Variants in PIK3CD observed in about 807,000 individuals in gnomAD.
The protein encoded by PIK3CD is phosphatidylinositol-4,5-bisphosphate 3-kinase catalytic subunit delta.
In PIK3CD, 20 loss-of-function variants were observed where a neutral mutation model predicts 122.9. That is an observed-to-expected ratio of 0.16 (90% CI 0.11 to 0.24). PIK3CD has a LOEUF of 0.24. Ranked by LOEUF, PIK3CD falls within the 10% of genes least tolerant of loss-of-function variation. The probability of loss-of-function intolerance (pLI) is 1.00; values close to 1 mark genes in which losing one functional copy is unlikely to be tolerated. For missense variants in PIK3CD, 787 were observed against 1,406.3 expected (o/e 0.56, Z 7.04); for synonymous variants, 596 against 593.4 (o/e 1.00, Z -0.06).
chr1:9,716,376 G>T (rs1286347530), intron 5 of PIK3CD, 64 bp from the exon 6 acceptor site: 3 of 1,523,188 alleles, frequency 2.0e-6, no homozygotes, highest in African/African-American at 2.7e-5. Context: ...AGGCAACCCT[G>T]CCCTGTGCCC....
rs115488358 is a variant in PIK3CD at position 9,708,131 on chromosome 1, C to G, written c.-32-2293C>G. Among the ~76,000 whole-genome samples, 929 of 151,996 alleles carry G rather than the reference C, an allele frequency of 6.1e-3. 13 individuals carry two copies. The highest frequency in any genetic ancestry group is 0.021 in the African/African-American group (881 of 41,458). On this transcript the variant is annotated intron_variant, in intron 2 of 23. Coordinates refer to ENST00000377346, the MANE Select transcript of PIK3CD (RefSeq NM_005026.5). Reference sequence around the variant, plus strand: ...ATCTAAAGAACAGCACAATGAGTGACCAAAGCAGGTCGCAGAAGACTCCGT... The same window carrying G: ...ATCTAAAGAACAGCACAATGAGTGAGCAAAGCAGGTCGCAGAAGACTCCGT...
At position 9,720,318 on chromosome 1, in the gene PIK3CD, G is replaced by C; in HGVS notation, c.1470+76G>C. ...CTGGCCCTGCTCCTGGAGCTCTTCA[G>C]AGGGTGCTCCCTGGCCACGTCGGGG... On this transcript the variant is annotated intron_variant, in intron 11 of 23. Transcript: ENST00000377346. The surrounding 1 kb of genome is among the most constrained non-coding windows in gnomAD (Gnocchi z 9.0). 6.5e-7 allele frequency: 1 copy of C among 1,531,528 alleles called. No individual in the cohort carries two copies. The highest frequency in any genetic ancestry group is 8.8e-7 in the Non-Finnish European group (1 of 1,132,898). 94.9% of individuals were successfully genotyped at this position (1,531,528 alleles called of 1,614,324 possible).
At position 9,727,779 on chromosome 1, in the gene PIK3CD, A is replaced by G. The variant is rs1222382411; in HGVS notation, c.*733A>G. ...CGCATGAAGGCAAAAGCAGGTCAGA[A>G]GCGAATACTCTGCCATTATCTCAAA... On this transcript the variant is annotated 3_prime_UTR_variant, in exon 24 of 24. Coordinates refer to ENST00000377346, the MANE Select transcript of PIK3CD (RefSeq NM_005026.5). The G allele has an allele frequency of 2.0e-5, 4 of 204,704 alleles. No individual in the cohort carries two copies. Among genetic ancestry groups the G allele is most frequent in the African/African-American group, 9.2e-5 (4 of 43,528 alleles). The allele number at this position is 204,704 out of a possible 1,614,324, so 12.7% of individuals were successfully genotyped here.
the PIK3CD span, among the ~76,000 whole-genome samples, chr1:9,637,890 G>A: frequency 1.3e-5 from 2 of 152,030 alleles, no homozygotes; most frequent in African/African-American, 4.8e-5. Flanking sequence ...GATCACTTGA[G>A]GTCAGGACTT....
Position 9,720,403 on chromosome 1 carries a change from C to A in PIK3CD, c.1470+161C>A. 1 of 1,365,802 alleles carries A rather than the reference C, an allele frequency of 7.3e-7. No individual in the cohort carries two copies. The highest frequency in any genetic ancestry group is 9.9e-7 in the Non-Finnish European group (1 of 1,010,884). 84.6% of individuals were successfully genotyped at this position (1,365,802 alleles called of 1,614,324 possible). A position where few individuals can be genotyped will look rare whatever the true frequency, so the allele number is the denominator to read the frequency against. ...GGCCATTTTGCCTGCAGGGATGCTG[C>A]GCAGTCTGATGACATTTTCGGTTGT... On this transcript the variant is annotated intron_variant, in intron 11 of 23. Transcript: ENST00000377346. The surrounding 1 kb of genome is among the most constrained non-coding windows in gnomAD (Gnocchi z 9.0).
In PIK3CD at chr1:9,719,292, C is replaced by T. The variant is rs1345033888; in HGVS notation, c.1242+377C>T. Among the ~76,000 whole-genome samples the T allele has an allele frequency of 6.6e-6, 1 of 152,168 alleles. No individual in the cohort carries two copies. The highest frequency in any genetic ancestry group is 1.9e-4 in the East Asian group (1 of 5,180). On this transcript the variant is annotated intron_variant, in intron 9 of 23. Coordinates refer to ENST00000377346, the MANE Select transcript of PIK3CD (RefSeq NM_005026.5). The surrounding 1 kb of genome is among the most constrained non-coding windows in gnomAD (Gnocchi z 5.5). ...TGAGTCACGGTCCCAGGATATGGCT[C>T]CCCTCGGAGCTGACTCACTCCGAGC...
the PIK3CD span, among the ~76,000 whole-genome samples, chr1:9,638,460 C>A: frequency 5.3e-5 from 8 of 152,130 alleles, no homozygotes; most frequent in East Asian, 1.6e-3. Flanking sequence ...AGGCCGGGAG[C>A]GGTGGCTCAC....
rs369520251 is a variant in PIK3CD at position 9,713,332 on chromosome 1, C to T, written c.142-2209C>T. ...CTCCAGCCTGGGTGACAGAGTGAAA[C>T]CCCGTCTGTAAAATAAACAAGCAAA... is the stretch of plus-strand genomic sequence containing the variant. On this transcript the variant is annotated intron_variant, in intron 3 of 23. Transcript: ENST00000377346. Among the ~76,000 whole-genome samples, 82 of 152,186 alleles carry T rather than the reference C, an allele frequency of 5.4e-4. 2 individuals carry two copies. The South Asian group carries it at 0.012, about 23-fold the overall frequency.
chr1:9,701,394 G>A (rs111344261), intron 2 of PIK3CD, among the ~76,000 whole-genome samples: 13 of 152,150 alleles, frequency 8.5e-5, no homozygotes, highest in African/African-American at 2.9e-4. Flanking sequence ...AATCAAAGCC[G>A]GGCGCGGTGG....
At chr1:9,643,192 G>A in the PIK3CD span, among the ~76,000 whole-genome samples, 12 of 151,340 alleles carry the variant, frequency 7.9e-5, no homozygotes, top group East Asian at 2.0e-4. Flanking sequence ...GTGGATCACC[G>A]GAGGTCGGGA....
intron 1 of PIK3CD, among the ~76,000 whole-genome samples, chr1:9,683,262 A>C (rs1186652847): frequency 1.3e-5 from 2 of 151,430 alleles, no homozygotes; most frequent in African/African-American, 4.8e-5. Context: ...CACGGTGAAA[A>C]CCCATCTCTA....
chr1:9,722,749 C>T lies in PIK3CD; in HGVS notation c.2426+143C>T. The T allele has an allele frequency of 1.3e-6, 1 of 765,992 alleles. No homozygotes were observed. Among genetic ancestry groups the T allele is most frequent in the South Asian group, 1.5e-5 (1 of 68,076 alleles). 47.4% of individuals were successfully genotyped at this position (765,992 alleles called of 1,614,324 possible). A position where few individuals can be genotyped will look rare whatever the true frequency, so the allele number is the denominator to read the frequency against. On this transcript the variant is annotated intron_variant, in intron 19 of 23. Coordinates refer to ENST00000377346, the MANE Select transcript of PIK3CD (RefSeq NM_005026.5). This position sits in a 1 kb window ranked among gnomAD's most constrained non-coding sequence, Gnocchi z 7.6. ...CTAGGAAGACCCGGAGGCGGTTTAA[C>T]TCTAGGCCAGGAGGCGGCGGGCAGC...
At chr1:9,726,514 T>A (rs779379795) in intron 23 of PIK3CD, among the ~76,000 whole-genome samples, 1 of 152,122 alleles carries the variant, frequency 6.6e-6, no homozygotes, top group South Asian at 2.1e-4. Context: ...CTCAAAAAAA[T>A]GTATATATAC....
chr1:9,723,426 C>G lies in PIK3CD; in HGVS notation c.2594+134C>G, dbSNP rs773750679. ...GTGGCTACTTGGCTCAGTTGAGGACCAGCCTGTGTCTGGGTTGGGGTGAGG... is the reference window on the plus strand; with the variant it reads ...GTGGCTACTTGGCTCAGTTGAGGACGAGCCTGTGTCTGGGTTGGGGTGAGG... On this transcript the variant is annotated intron_variant, in intron 20 of 23. Coordinates refer to ENST00000377346, the MANE Select transcript of PIK3CD (RefSeq NM_005026.5). The surrounding 1 kb of genome is among the most constrained non-coding windows in gnomAD (Gnocchi z 4.9). The G allele has an allele frequency of 3.4e-5, 31 of 903,852 alleles. No individual in the cohort carries two copies. The highest frequency in any genetic ancestry group is 5.3e-5 in the Non-Finnish European group (29 of 550,794). The allele number at this position is 903,852 out of a possible 1,614,324, so 56.0% of individuals were successfully genotyped here.
At chr1:9,714,228 A>G (rs1297665563) in intron 3 of PIK3CD, among the ~76,000 whole-genome samples, 1 of 152,184 alleles carries the variant, frequency 6.6e-6, no homozygotes, top group East Asian at 1.9e-4. Context: ...CAAACAGTGC[A>G]GAGGCAAAGC....
At chr1:9,693,618 T>C (rs1646289653) in intron 2 of PIK3CD, among the ~76,000 whole-genome samples, 1 of 151,758 alleles carries the variant, frequency 6.6e-6, no homozygotes, top group African/African-American at 2.4e-5. Context: ...ATCGAACATA[T>C]ATGTATTTCT....
At chr1:9,703,466 G>A (rs1036855709) in intron 2 of PIK3CD, among the ~76,000 whole-genome samples, 5 of 152,128 alleles carry the variant, frequency 3.3e-5, no homozygotes, top group East Asian at 3.9e-4. Context: ...CAACAAAAAC[G>A]TAAAGTTACT....
chr1:9,685,678 T>G (rs1158804037), intron 1 of PIK3CD, among the ~76,000 whole-genome samples: 1 of 152,086 alleles, frequency 6.6e-6, no homozygotes, highest in Non-Finnish European at 1.5e-5. Context: ...AAAAATTTTT[T>G]AAAGAGATGA....
intron 2 of PIK3CD, among the ~76,000 whole-genome samples, chr1:9,693,683 A>G (rs1308104460): frequency 6.6e-6 from 1 of 151,992 alleles, no homozygotes; most frequent in Non-Finnish European, 1.5e-5. Flanking sequence ...GAAAAAATGT[A>G]AATTCTTAAA....
Sources: gnomAD v4.1 joint callset for allele counts (sites outside exome capture counted in the v4.1 genomes callset) on GRCh38, gnomAD v4.1.1 for gene constraint, Gnocchi (gnomAD v3.1) non-coding constraint, MANE v1.5 for transcripts, NCBI Gene and HGNC (gene_info 2026-07-23, HGNC 2026-07-21) for gene names.